ARID5B: variants seen among roughly 807,000 people sequenced by gnomAD.
ARID5B encodes AT-rich interactive domain-containing protein 5B.
A neutral mutation model predicts 97.2 loss-of-function variants in ARID5B; 13 were observed. That is an observed-to-expected ratio of 0.13 (90% CI 0.09 to 0.21). The LOEUF (loss-of-function observed/expected upper bound fraction) is 0.21, where lower values mean the gene tolerates loss of function less well. ARID5B is among the 10% of genes least tolerant of loss of function. The pLI is 1.00. For missense variants in ARID5B, 1,210 were observed against 1,465.3 expected, an observed-to-expected ratio of 0.83 and a Z score of 2.84; for synonymous variants, 556 against 570.3, an observed-to-expected ratio of 0.97 and a Z score of 0.36.
intron 3 of ARID5B, among the ~76,000 whole-genome samples, chr10:61,983,394 T>G (rs1564619670): frequency 2.0e-5 from 3 of 152,322 alleles, no homozygotes; most frequent in Non-Finnish European, 4.4e-5. Flanking sequence ...TTTTATAAAA[T>G]GTAATATTTG....
intron 3 of ARID5B, among the ~76,000 whole-genome samples, chr10:61,954,855 A>C (rs1838369974): frequency 6.6e-6 from 1 of 151,976 alleles, no homozygotes; most frequent in African/African-American, 2.4e-5. Flanking sequence ...AAATATATAA[A>C]ATTAGCTTGG....
At chr10:62,065,276 A>G (rs954482142) in intron 7 of ARID5B, among the ~76,000 whole-genome samples, 1 of 152,180 alleles carries the variant, frequency 6.6e-6, no homozygotes, top group African/African-American at 2.4e-5. Context: ...TCAGTTTTTC[A>G]TCTTGCGTTA....
At chr10:61,993,763 C>T (rs1024608636) in intron 3 of ARID5B, among the ~76,000 whole-genome samples, 1 of 152,068 alleles carries the variant, frequency 6.6e-6, no homozygotes, top group Non-Finnish European at 1.5e-5. Context: ...ATTGGAATAG[C>T]GCCAGGTATA....
At chr10:61,953,627 A>G (rs1297149679) in intron 3 of ARID5B, among the ~76,000 whole-genome samples, 1 of 152,182 alleles carries the variant, frequency 6.6e-6, no homozygotes, top group East Asian at 1.9e-4. Context: ...CATGAACTTT[A>G]CAAAGTAAGA....
In ARID5B at chr10:62,091,478, T is replaced by G; in HGVS notation, c.2015T>G (p.Leu672Arg). ...LTGPMNENHGLNYTPLLYSRG... is the reference protein window; with the variant it reads ...LTGPMNENHGRNYTPLLYSRG... ...GGGCCCATGAACGAGAACCATGGAC[T>G]TAATTACACGCCCCTGCTCTACTCT... Residue 672 changes from leucine (L) to arginine (R), a missense_variant, in exon 10 of 10, where the codon CTT becomes CGT. Leu to Arg is a moderately radical substitution (Grantham distance 102, BLOSUM62 -2). Around this residue, in one of 8 missense-constraint regions of ARID5B, gnomAD observed 800 missense variants for 839.1 expected, o/e 0.95. Transcript: ENST00000279873. 1 of 1,612,650 alleles carries G rather than the reference T, an allele frequency of 6.2e-7. No homozygotes were observed. The highest frequency in any genetic ancestry group is 8.5e-7 in the Non-Finnish European group (1 of 1,179,332).
At chr10:61,947,873 C>G (rs1838260708) in intron 3 of ARID5B, among the ~76,000 whole-genome samples, 1 of 152,196 alleles carries the variant, frequency 6.6e-6, no homozygotes, top group African/African-American at 2.4e-5. Context: ...ACTGCCATCA[C>G]TCATGAAGGC....
chr10:61,987,651 T>C (rs1057050686), intron 3 of ARID5B, among the ~76,000 whole-genome samples: 1 of 152,232 alleles, frequency 6.6e-6, no homozygotes. Flanking sequence ...GCCGTCGTAG[T>C]GTAAAAGCAG....
At chr10:62,049,631 T>A (rs1218262259) in intron 4 of ARID5B, 2 of 1,124,140 alleles carry the variant, frequency 1.8e-6, no homozygotes, top group African/African-American at 3.1e-5. Flanking sequence ...TCCTAAGCCC[T>A]AAAGCCTCTT....
At chr10:61,943,472 C>A (rs10994978) in intron 3 of ARID5B, among the ~76,000 whole-genome samples, 10 of 147,154 alleles carry the variant, frequency 6.8e-5, no homozygotes, top group Admixed American at 6.1e-4. Flanking sequence ...TATTTGAGGC[C>A]CCCCCCCTTT....
chr10:62,049,596 G>C (rs1056548051), intron 4 of ARID5B: 1 of 1,414,192 alleles, frequency 7.1e-7, no homozygotes, highest in Non-Finnish European at 9.8e-7. Context: ...GGGAATGAGA[G>C]GAGAGAGCGG....
intron 4 of ARID5B, among the ~76,000 whole-genome samples, chr10:62,022,035 T>C (rs1839362765): frequency 6.6e-6 from 1 of 152,368 alleles, no homozygotes; most frequent in Non-Finnish European, 1.5e-5. Context: ...GTAACCATTT[T>C]AGTAGCTTTA....
chr10:61,977,294 T>C (rs987059369), intron 3 of ARID5B, among the ~76,000 whole-genome samples: 15 of 152,334 alleles, frequency 9.8e-5, no homozygotes, highest in East Asian at 3.9e-4. Context: ...TCTTTGCTAT[T>C]GTGAATAGTG....
chr10:61,950,420 A>C (rs1838307706), intron 3 of ARID5B, among the ~76,000 whole-genome samples: 1 of 152,214 alleles, frequency 6.6e-6, no homozygotes, highest in African/African-American at 2.4e-5. Context: ...TATAACCCCA[A>C]CACTCCGGAA....
At chr10:61,930,668 C>A (rs370052936) in intron 2 of ARID5B, among the ~76,000 whole-genome samples, 72 of 151,684 alleles carry the variant, frequency 4.7e-4, no homozygotes, top group African/African-American at 1.6e-3. Context: ...TGCAGTGAAC[C>A]GAGATGGCAC....
intron 5 of ARID5B, among the ~76,000 whole-genome samples, chr10:62,056,115 T>G (rs1839853528): frequency 6.6e-6 from 1 of 152,146 alleles, no homozygotes; most frequent in African/African-American, 2.4e-5. Flanking sequence ...AGTGTTATAT[T>G]TAACGACCAT....
At chr10:61,975,522 C>G (rs1838687090) in intron 3 of ARID5B, among the ~76,000 whole-genome samples, 1 of 151,922 alleles carries the variant, frequency 6.6e-6, no homozygotes, top group Admixed American at 6.6e-5. Context: ...CTGAGTCATC[C>G]TAGACAAGTC....
intron 5 of ARID5B, among the ~76,000 whole-genome samples, chr10:62,053,999 GT>G (rs1452349161): frequency 6.6e-6 from 1 of 152,214 alleles, no homozygotes; most frequent in Non-Finnish European, 1.5e-5. Context: ...TACTGCCCCA[GT>G]TGAAGGCTGG....
At chr10:61,909,873 A>G (rs1165115637) in intron 2 of ARID5B, among the ~76,000 whole-genome samples, 1 of 152,234 alleles carries the variant, frequency 6.6e-6, no homozygotes, top group African/African-American at 2.4e-5. Context: ...CCAAAGAAAC[A>G]AGCAAATATT....
intron 4 of ARID5B, among the ~76,000 whole-genome samples, chr10:62,015,457 C>G (rs1404152787): frequency 6.6e-6 from 1 of 152,182 alleles, no homozygotes; most frequent in Non-Finnish European, 1.5e-5. Flanking sequence ...AGCCTATCAA[C>G]TGTTCTAATT....
Sources: gnomAD v4.1 joint callset for allele counts (sites outside exome capture counted in the v4.1 genomes callset) on GRCh38, gnomAD v4.1.1 for gene constraint, gnomAD v4.1.1 regional missense constraint, MANE v1.5 for transcripts, NCBI Gene and HGNC (gene_info 2026-07-23, HGNC 2026-07-21) for gene names.